PCDH15: variants seen among roughly 807,000 people sequenced by gnomAD.
PCDH15 encodes the protein protocadherin related 15.
In PCDH15, 129 loss-of-function variants were observed where a neutral mutation model predicts 178.5. That is an observed-to-expected ratio of 0.72 (90% CI 0.63 to 0.84). PCDH15 has a LOEUF of 0.84. Among genes scored for constraint, PCDH15 ranks in the 40% least tolerant of loss-of-function variants. The pLI, the probability that PCDH15 is intolerant of heterozygous loss-of-function variation, is 0.00. For synonymous variants in PCDH15, 800 were observed against 732.0 expected, an observed-to-expected ratio of 1.09 and a Z score of -1.50; for missense variants, 2,230 against 2,099.9, an observed-to-expected ratio of 1.06 and a Z score of -1.21.
Position 53,882,679 on chromosome 10 carries a change from A to T in PCDH15, c.3502-15822T>A, listed in dbSNP as rs139220274. 1.1e-4 allele frequency among the ~76,000 whole-genome samples: 16 copies of T among 152,284 alleles called. No homozygotes were observed. In the East Asian group the frequency reaches 1.5e-3, roughly 15 times the overall value. Reference sequence around the variant, plus strand: ...TGCCTGACCCCAACTGCTATTTTTTAAAAATATGGTTATTTTTCATGAACC... The same window carrying T: ...TGCCTGACCCCAACTGCTATTTTTTTAAAATATGGTTATTTTTCATGAACC... On this transcript the variant is annotated intron_variant, in intron 26 of 37. Transcript: ENST00000644397.
At chr10:53,883,469 C>T (rs1015472998) in intron 26 of PCDH15, among the ~76,000 whole-genome samples, 4 of 152,026 alleles carry the variant, frequency 2.6e-5, no homozygotes, top group African/African-American at 9.7e-5. Flanking sequence ...TTTTACAAAT[C>T]CCTGTGCTAA....
chr10:55,101,753 ATTT>A (rs1842582448), intron 2 of PCDH15, among the ~76,000 whole-genome samples: 10 of 151,514 alleles, frequency 6.6e-5, no homozygotes, highest in African/African-American at 2.4e-4. Context: ...TAATAAATAT[ATTT>A]TGCATATATA....
At chr10:55,596,120 C>T (rs987791896) in intron 2 of PCDH15, among the ~76,000 whole-genome samples, 3 of 151,976 alleles carry the variant, frequency 2.0e-5, no homozygotes, top group African/African-American at 7.2e-5. Flanking sequence ...GTGATTAGTA[C>T]ATGTGTGATT....
chr10:55,238,906 T>C (rs1592011947), intron 1 of PCDH15, among the ~76,000 whole-genome samples: 1 of 152,240 alleles, frequency 6.6e-6, no homozygotes, highest in East Asian at 1.9e-4. Flanking sequence ...TCCACTCTTT[T>C]AGTTATTTTA....
chr10:54,627,583 A>C (rs920266061), intron 2 of PCDH15, among the ~76,000 whole-genome samples: 1 of 152,170 alleles, frequency 6.6e-6, no homozygotes, highest in Non-Finnish European at 1.5e-5. Context: ...GTTTTCCATT[A>C]AACTTCTTTC....
intron 37 of PCDH15, among the ~76,000 whole-genome samples, chr10:53,810,220 G>A (rs2075815920): frequency 5.9e-5 from 9 of 152,072 alleles, no homozygotes; most frequent in Admixed American, 5.9e-4. Flanking sequence ...TAGATAATGT[G>A]GGAGCAAAAG....
At chr10:54,483,673 T>A (rs561902558) in intron 3 of PCDH15, among the ~76,000 whole-genome samples, 3 of 151,970 alleles carry the variant, frequency 2.0e-5, no homozygotes, top group African/African-American at 7.2e-5. Flanking sequence ...AAGAAATCAA[T>A]CCTATACTTT....
chr10:55,152,415 A>G (rs1838754192), intron 2 of PCDH15, among the ~76,000 whole-genome samples: 1 of 152,198 alleles, frequency 6.6e-6, no homozygotes, highest in South Asian at 2.1e-4. Flanking sequence ...ATAGACCTAT[A>G]ATTACTCAAT....
At chr10:53,983,534 T>C (rs367960492) in intron 21 of PCDH15, among the ~76,000 whole-genome samples, 17 of 152,268 alleles carry the variant, frequency 1.1e-4, no homozygotes, top group African/African-American at 3.8e-4. Flanking sequence ...AAGGTGTTTG[T>C]ATAGTTCAGT....
intron 2 of PCDH15, among the ~76,000 whole-genome samples, chr10:54,536,861 G>A (rs780615928): frequency 6.6e-6 from 1 of 152,066 alleles, no homozygotes; most frequent in Non-Finnish European, 1.5e-5. Context: ...GAATTCTATG[G>A]TGCATGTGCA....
chr10:54,241,810 GA>G (rs1364042505), intron 8 of PCDH15, among the ~76,000 whole-genome samples: 1 of 151,704 alleles, frequency 6.6e-6, no homozygotes, highest in Non-Finnish European at 1.5e-5. Context: ...GGTAATCATA[GA>G]AACGATTAAA....
At chr10:54,237,029 G>A (rs1000616713) in intron 8 of PCDH15, 98 bp from the exon 9 acceptor site, 20 of 1,037,832 alleles carry the variant, frequency 1.9e-5, no homozygotes, top group Admixed American at 1.5e-4. Context: ...TATAACGTCT[G>A]AGACAGTAAA....
chr10:54,933,060 G>A (rs1292051237), intron 2 of PCDH15, among the ~76,000 whole-genome samples: 1 of 152,042 alleles, frequency 6.6e-6, no homozygotes, highest in Non-Finnish European at 1.5e-5. Context: ...TATTACAATT[G>A]TCTACAGTAT....
At chr10:54,826,996 T>C (rs2133746983) in intron 3 of PCDH15, among the ~76,000 whole-genome samples, 1 of 152,204 alleles carries the variant, frequency 6.6e-6, no homozygotes, top group Middle Eastern at 3.4e-3. Flanking sequence ...TTGTTTTTCC[T>C]ACCAAAAACA....
intron 15 of PCDH15, among the ~76,000 whole-genome samples, chr10:54,113,708 T>C (rs2095065153): frequency 6.6e-6 from 1 of 151,752 alleles, no homozygotes; most frequent in African/African-American, 2.4e-5. Context: ...TAAAGACAAC[T>C]GTTGGGACAG....
chr10:54,696,439 A>G (rs758123206), intron 1 of PCDH15, among the ~76,000 whole-genome samples: 1 of 152,086 alleles, frequency 6.6e-6, no homozygotes, highest in Non-Finnish European at 1.5e-5. Flanking sequence ...GATGCCATGA[A>G]CTCCATTGAA....
chr10:54,079,127 A>G (rs1044199009), intron 17 of PCDH15, among the ~76,000 whole-genome samples: 1 of 152,216 alleles, frequency 6.6e-6, no homozygotes, highest in Non-Finnish European at 1.5e-5. Context: ...CTGTTCTGTC[A>G]AGTCAAAGGT....
chr10:54,378,723 A>G, intron 4 of PCDH15, 59 bp downstream of exon 4: 2 of 1,541,438 alleles, frequency 1.3e-6, no homozygotes, highest in Non-Finnish European at 1.8e-6. Context: ...AAACACACAC[A>G]TAGACATTTA....
chr10:53,971,168 C>T (rs2089642367), intron 21 of PCDH15, among the ~76,000 whole-genome samples: 1 of 152,108 alleles, frequency 6.6e-6, no homozygotes, highest in South Asian at 2.1e-4. Context: ...AGCATATAAA[C>T]AGAACCAAAG....
Sources: allele counts gnomAD v4.1 joint callset (sites outside exome capture counted in the v4.1 genomes callset), GRCh38; gene constraint gnomAD v4.1.1; transcripts MANE v1.5; gene names NCBI Gene and HGNC (gene_info 2026-07-23, HGNC 2026-07-21).